The following TOM1L2 variants were observed in gnomAD, a reference collection of about 807,000 sequenced individuals.
TOM1L2 encodes target of myb1 like 2 membrane trafficking protein.
In TOM1L2, 31 loss-of-function variants were observed where a neutral mutation model predicts 67.9. The ratio of observed to expected loss-of-function variants is 0.46; its 90% CI spans 0.34 to 0.62. TOM1L2 has a LOEUF of 0.62. TOM1L2 is among the 20% of genes least tolerant of loss of function. The pLI, the probability that TOM1L2 is intolerant of heterozygous loss-of-function variation, is 0.01. For missense variants in TOM1L2, 606 were observed against 663.5 expected, an observed-to-expected ratio of 0.91 and a Z score of 0.95; for synonymous variants, 256 against 254.0, an observed-to-expected ratio of 1.01 and a Z score of -0.07.
chr17:17,956,078 G>C lies in TOM1L2; in HGVS notation c.52+16184C>G, dbSNP rs139006036. ...AGTAAGCAGCAACATTTGTTTCAAA[G>C]AGCAAAAGAACAAAGCCTCCCCCGC... is the stretch of plus-strand genomic sequence containing the variant. On this transcript the variant is annotated intron_variant, in intron 1 of 14. Coordinates refer to ENST00000379504, the MANE Select transcript of TOM1L2 (RefSeq NM_001082968.2). 9.7e-3 allele frequency among the ~76,000 whole-genome samples: 1,472 copies of C among 152,284 alleles called. 11 individuals are homozygous for C. The highest frequency in any genetic ancestry group is 0.014 in the Admixed American group (218 of 15,296).
intron 7 of TOM1L2, among the ~76,000 whole-genome samples, chr17:17,872,684 T>C (rs2037212468): frequency 6.6e-6 from 1 of 152,258 alleles, no homozygotes; most frequent in South Asian, 2.1e-4. Flanking sequence ...AGCCAGGCAC[T>C]GCTGAGCTCC....
intron 10 of TOM1L2, among the ~76,000 whole-genome samples, chr17:17,864,025 C>G (rs942998697): frequency 1.3e-5 from 2 of 151,248 alleles, no homozygotes; most frequent in Non-Finnish European, 2.9e-5. Context: ...TGCCACCACT[C>G]GCAGCTAATT....
intron 1 of TOM1L2, among the ~76,000 whole-genome samples, chr17:17,970,344 G>A (rs1003050489): frequency 6.6e-5 from 10 of 152,170 alleles, no homozygotes; most frequent in South Asian, 2.1e-4. Flanking sequence ...GATTACAGGC[G>A]TGAGCCACCG....
intron 1 of TOM1L2, among the ~76,000 whole-genome samples, chr17:17,928,767 A>G (rs1184234886): frequency 6.6e-6 from 1 of 152,134 alleles, no homozygotes; most frequent in Non-Finnish European, 1.5e-5. Flanking sequence ...ACAGAATAGA[A>G]CATAAATAGC....
At chr17:17,903,154 T>C (rs1485527977) in intron 2 of TOM1L2, among the ~76,000 whole-genome samples, 1 of 152,222 alleles carries the variant, frequency 6.6e-6, no homozygotes, top group Non-Finnish European at 1.5e-5. Flanking sequence ...CGTAGCTATA[T>C]ATAGCTTCTC....
chr17:17,849,775 G>A (rs1050068321), intron 13 of TOM1L2, among the ~76,000 whole-genome samples: 1 of 152,166 alleles, frequency 6.6e-6, no homozygotes, highest in Admixed American at 6.5e-5. Flanking sequence ...TGGACCCTGG[G>A]GTCCCCCTTA....
intron 4 of TOM1L2, among the ~76,000 whole-genome samples, chr17:17,885,834 A>G (rs956641102): frequency 1.4e-5 from 2 of 147,842 alleles, no homozygotes; most frequent in Non-Finnish European, 3.0e-5. Flanking sequence ...CTGAGGCAGG[A>G]GAATGGTGTG....
Position 17,972,380 on chromosome 17 carries a change from C to T in TOM1L2, c.-67G>A, listed in dbSNP as rs575434619. On this transcript the variant is annotated 5_prime_UTR_variant, in exon 1 of 15. Coordinates refer to ENST00000379504, the MANE Select transcript of TOM1L2 (RefSeq NM_001082968.2). ...CACCTAGGCCTCCGCTGTAACCCGC[C>T]GGACTCCCGTCCTGACTGACACTTG... 54 of 1,544,460 alleles carry T rather than the reference C, an allele frequency of 3.5e-5. No individual in the cohort carries two copies. The highest frequency in any genetic ancestry group is 1.5e-4 in the African/African-American group (11 of 72,926).
chr17:17,897,702 T>A (rs558132916), intron 3 of TOM1L2, among the ~76,000 whole-genome samples: 1 of 152,194 alleles, frequency 6.6e-6, no homozygotes, highest in Non-Finnish European at 1.5e-5. Context: ...TTTTACCCCA[T>A]GCAAAAGACC....
chr17:17,879,741 A>C lies in TOM1L2; in HGVS notation c.663T>G (p.Ile221Met), dbSNP rs1294492433. The stretch of plus-strand genomic sequence containing the variant: ...CGTCCAGTTCACTCCGCAGCCTGGC[A>C]ATCTGGTGGGGGCCACGAGGAAGGA... ...TGPITANSEQ[I>M]ARLRSELDVV... Residue 221 changes from isoleucine (I) to methionine (M), a missense_variant and splice_region_variant, in exon 7 of 15, where the codon ATT (isoleucine) becomes ATG (methionine). This residue lies in a region of TOM1L2 where 543 missense variants were observed against 554.0 expected (regional missense o/e 0.98). Transcript: ENST00000379504. 6.2e-7 allele frequency: 1 copy of C among 1,613,878 alleles called. No individual in the cohort carries two copies. Among genetic ancestry groups the C allele is most frequent in the Non-Finnish European group, 8.5e-7 (1 of 1,179,728 alleles).
chr17:17,962,284 C>T (rs1182140006), intron 1 of TOM1L2, among the ~76,000 whole-genome samples: 2 of 151,200 alleles, frequency 1.3e-5, no homozygotes, highest in Non-Finnish European at 2.9e-5. Context: ...TTTTGCAAGA[C>T]TAGAAGAGTT....
At chr17:17,927,240 G>A (rs182868069) in intron 1 of TOM1L2, among the ~76,000 whole-genome samples, 70 of 152,296 alleles carry the variant, frequency 4.6e-4, no homozygotes, top group African/African-American at 1.5e-3. Flanking sequence ...GGACAGGCCC[G>A]ACATTATTTT....
At chr17:17,862,692 C>T (rs1464957165) in intron 11 of TOM1L2, 39 bp downstream of exon 11, 1 of 1,541,542 alleles carries the variant, frequency 6.5e-7, no homozygotes, top group South Asian at 1.1e-5. Context: ...TCAATCCCCC[C>T]AATATCTTTA....
chr17:17,906,587 G>C (rs1176812670), intron 2 of TOM1L2, among the ~76,000 whole-genome samples: 2 of 152,188 alleles, frequency 1.3e-5, no homozygotes, highest in African/African-American at 2.4e-5. Context: ...GCTCCCCAAG[G>C]GGAAGGAATC....
intron 1 of TOM1L2, among the ~76,000 whole-genome samples, chr17:17,918,250 CTTTTT>C (rs543825057): frequency 7.0e-6 from 1 of 143,676 alleles, no homozygotes; most frequent in Admixed American, 6.9e-5. Flanking sequence ...AGCAGTTTTT[CTTTTT>C]TTTTTTGTTT....
chr17:17,955,365 A>G (rs1362695916), intron 1 of TOM1L2, among the ~76,000 whole-genome samples: 1 of 136,780 alleles, frequency 7.3e-6, no homozygotes, highest in Non-Finnish European at 1.5e-5. Flanking sequence ...TTGAGACAAG[A>G]GACTTGCTCT....
intron 1 of TOM1L2, among the ~76,000 whole-genome samples, chr17:17,936,096 G>A (rs1295787877): frequency 6.6e-6 from 1 of 152,182 alleles, no homozygotes; most frequent in African/African-American, 2.4e-5. Context: ...ACTTGGCCTC[G>A]CTTGCTCCTG....
At chr17:17,853,516 AAAC>A (rs2036105019) in intron 12 of TOM1L2, among the ~76,000 whole-genome samples, 6 of 152,264 alleles carry the variant, frequency 3.9e-5, no homozygotes, top group Admixed American at 3.9e-4. Context: ...CTCAGAAAAT[AAAC>A]AATGACACTT....
chr17:17,934,967 T>C (rs1335629340), intron 1 of TOM1L2, among the ~76,000 whole-genome samples: 1 of 152,254 alleles, frequency 6.6e-6, no homozygotes, highest in Non-Finnish European at 1.5e-5. Context: ...CACTCAGCTA[T>C]CCTGCACATA....
Sources: gnomAD v4.1 joint callset for allele counts (sites outside exome capture counted in the v4.1 genomes callset) on GRCh38, gnomAD v4.1.1 for gene constraint, gnomAD v4.1.1 regional missense constraint, MANE v1.5 for transcripts, NCBI Gene and HGNC (gene_info 2026-07-23, HGNC 2026-07-21) for gene names.